RC3H2: variants seen among roughly 807,000 people sequenced by gnomAD.
The protein encoded by RC3H2 is roquin-2.
A neutral mutation model predicts 133.3 loss-of-function variants in RC3H2; 31 were observed. The observed-to-expected ratio is 0.23, with a 90% CI of 0.17 to 0.31. The LOEUF (loss-of-function observed/expected upper bound fraction) is 0.31. RC3H2 is among the 10% of genes least tolerant of loss of function. The probability of loss-of-function intolerance (pLI) is 1.00; values close to 1 mark genes in which losing one functional copy is unlikely to be tolerated. For missense variants in RC3H2, 1,175 were observed against 1,437.2 expected, an observed-to-expected ratio of 0.82 and a Z score of 2.95; for synonymous variants, 517 against 502.2, an observed-to-expected ratio of 1.03 and a Z score of -0.40.
rs983856617 is a variant in RC3H2 at position 122,892,454 on chromosome 9, C to A, written c.349+455G>T. Reference sequence around the variant, plus strand: ...TTGAGACAGTCTTGCTCTGTCGCCCCAGGCTGGAGTGCAGTGGCACCATCT... The same window carrying A: ...TTGAGACAGTCTTGCTCTGTCGCCCAAGGCTGGAGTGCAGTGGCACCATCT... On this transcript the variant is annotated intron_variant, in intron 3 of 20. Transcript: ENST00000357244. Among the ~76,000 whole-genome samples the A allele has an allele frequency of 2.0e-5, 3 of 152,184 alleles. No homozygotes were observed. The East Asian group carries it at 5.8e-4, about 29-fold the overall frequency.
intron 13 of RC3H2, among the ~76,000 whole-genome samples, chr9:122,857,260 C>T (rs1830284131): frequency 6.6e-6 from 1 of 151,906 alleles, no homozygotes; most frequent in Non-Finnish European, 1.5e-5. Context: ...GGGGAATAAA[C>T]CAGAAGAAAC....
intron 9 of RC3H2, chr9:122,875,135 G>C: frequency 6.6e-7 from 1 of 1,505,180 alleles, no homozygotes; most frequent in East Asian, 2.5e-5. Flanking sequence ...GAACTAGTTC[G>C]ATTGGGTACA....
At position 122,845,526 on chromosome 9, in the gene RC3H2, T is replaced by C. The variant is rs768829302; in HGVS notation, c.*4101A>G. On this transcript the variant is annotated 3_prime_UTR_variant, in exon 21 of 21. Coordinates refer to ENST00000357244, the MANE Select transcript of RC3H2 (RefSeq NM_001100588.3). ...TCTGTGTTCCACTGGTTTGGGAATATTTTAAAAATTTTATTAAAAAAAAGA... is the reference window on the plus strand; with the variant it reads ...TCTGTGTTCCACTGGTTTGGGAATACTTTAAAAATTTTATTAAAAAAAAGA... 11 of 152,156 alleles carry C rather than the reference T, an allele frequency of 7.2e-5. No individual in the cohort carries two copies. Among genetic ancestry groups the C allele is most frequent in the Non-Finnish European group, 1.5e-4 (10 of 68,028 alleles). 9.4% of individuals were successfully genotyped at this position (152,156 alleles called of 1,614,324 possible).
intron 1 of RC3H2, among the ~76,000 whole-genome samples, chr9:122,898,834 C>T (rs567027024): frequency 1.0e-3 from 159 of 151,764 alleles, no homozygotes; most frequent in Admixed American, 3.1e-3. Context: ...ACTAAACTTC[C>T]CAGAATTTCT....
Position 122,854,621 on chromosome 9 carries a change from G to C in RC3H2, c.2816-6C>G. 1 of 1,588,962 alleles carries C rather than the reference G, an allele frequency of 6.3e-7. No individual in the cohort carries two copies. The highest frequency in any genetic ancestry group is 2.2e-5 in the East Asian group (1 of 44,756). Reference sequence around the variant, plus strand: ...ATTGACATAAGGGACATAATCTACAGACATGTAGAATGAAACAATGGTCAA... The same window carrying C: ...ATTGACATAAGGGACATAATCTACACACATGTAGAATGAAACAATGGTCAA... On this transcript the variant is annotated splice_polypyrimidine_tract_variant and splice_region_variant and intron_variant, in intron 15 of 20. Transcript: ENST00000357244.
At position 122,849,529 on chromosome 9, in the gene RC3H2, T is replaced by TA. The variant is rs1284582142; in HGVS notation, c.*97dup. 17 of 434,726 alleles carry TA rather than the reference T, an allele frequency of 3.9e-5. No individual in the cohort carries two copies. The highest frequency in any genetic ancestry group is 6.4e-5 in the African/African-American group (3 of 47,044). 26.9% of individuals were successfully genotyped at this position (434,726 alleles called of 1,614,324 possible). On this transcript the variant is annotated 3_prime_UTR_variant, in exon 21 of 21. Coordinates refer to ENST00000357244, the MANE Select transcript of RC3H2 (RefSeq NM_001100588.3). Reference sequence around the variant, plus strand: ...GATGCCCCCAGTAATATCTTTTTTTTAAAAAAAATATACATTATATAATAT... The same window carrying TA: ...GATGCCCCCAGTAATATCTTTTTTTTAAAAAAAAATATACATTATATAATAT...
chr9:122,903,567 GA>G (rs949950387), intron 1 of RC3H2, among the ~76,000 whole-genome samples: 2 of 152,326 alleles, frequency 1.3e-5, no homozygotes, highest in Admixed American at 1.3e-4. Context: ...TACCACAACA[GA>G]AATAACAGAT....
chr9:122,851,402 G>A lies in RC3H2; in HGVS notation c.3152C>T (p.Thr1051Ile), dbSNP rs1316923884. ...TAACTCGATATCCCTATCAGGTTTA[G>A]TATCTGTTGCATCTTCTGTATAATC... Reference protein sequence around the residue: ...QSDYTEDATDTKPDRDIELEL... With the variant: ...QSDYTEDATDIKPDRDIELEL... The change falls in exon 19 of 21, where the codon ACT becomes ATT. Residue 1051 changes from threonine to isoleucine, a missense_variant. Coordinates refer to ENST00000357244, the MANE Select transcript of RC3H2 (RefSeq NM_001100588.3). 1 of 1,614,122 alleles carries A rather than the reference G, an allele frequency of 6.2e-7. No homozygotes were observed. The highest frequency in any genetic ancestry group is 2.2e-5 in the East Asian group (1 of 44,884).
At chr9:122,872,160 T>C (rs1441402742) in intron 9 of RC3H2, among the ~76,000 whole-genome samples, 2 of 152,244 alleles carry the variant, frequency 1.3e-5, no homozygotes, top group Non-Finnish European at 1.5e-5. Flanking sequence ...TCTGCCCTGA[T>C]GCATTTCCCA....
At chr9:122,864,354 T>C (rs572618419) in intron 10 of RC3H2, among the ~76,000 whole-genome samples, 44 of 149,346 alleles carry the variant, frequency 2.9e-4, no homozygotes, top group African/African-American at 9.9e-4. Context: ...AATCTTATGC[T>C]GACACTCAGT....
intron 18 of RC3H2, among the ~76,000 whole-genome samples, chr9:122,852,022 G>A (rs1407615575): frequency 6.6e-6 from 1 of 151,262 alleles, no homozygotes; most frequent in Non-Finnish European, 1.5e-5. Context: ...GACCGTCTCT[G>A]CCCGGCCGCC....
chr9:122,845,816 C>CCATCAAGCCTCTT lies in RC3H2; in HGVS notation c.*3798_*3810dup, dbSNP rs1445620075. The CCATCAAGCCTCTT allele has an allele frequency of 2.6e-5, 4 of 152,090 alleles. No individual in the cohort carries two copies. Among genetic ancestry groups the CCATCAAGCCTCTT allele is most frequent in the Non-Finnish European group, 5.9e-5 (4 of 68,028 alleles). 9.4% of individuals were successfully genotyped at this position (152,090 alleles called of 1,614,324 possible). A position where few individuals can be genotyped will look rare whatever the true frequency, so the allele number is the denominator to read the frequency against. The stretch of plus-strand genomic sequence containing the variant: ...GTAGAAGGAGTTACAGTAAGTGATC[C>CCATCAAGCCTCTT]CATCAAGCCTCTTCATTCACTAAAA... On this transcript the variant is annotated 3_prime_UTR_variant, in exon 21 of 21. Coordinates refer to ENST00000357244, the MANE Select transcript of RC3H2 (RefSeq NM_001100588.3).
intron 9 of RC3H2, among the ~76,000 whole-genome samples, chr9:122,870,413 CAAA>C (rs1192325454): frequency 1.9e-4 from 7 of 37,832 alleles, no homozygotes; most frequent in African/African-American, 5.8e-4. Context: ...AACAAACAAA[CAAA>C]AAAAAAACAA....
intron 10 of RC3H2, among the ~76,000 whole-genome samples, chr9:122,860,400 C>T (rs557395945): frequency 7.0e-4 from 89 of 126,498 alleles, no homozygotes; most frequent in African/African-American, 2.6e-3. Flanking sequence ...CACCATTTAC[C>T]CATTCTTTTT....
Position 122,849,508 on chromosome 9 carries a change from C to G in RC3H2, c.*119G>C. 3.3e-6 allele frequency: 1 copy of G among 300,292 alleles called. No individual in the cohort carries two copies. Among genetic ancestry groups the G allele is most frequent in the Non-Finnish European group, 5.5e-6 (1 of 180,820 alleles). 18.6% of individuals were successfully genotyped at this position (300,292 alleles called of 1,614,324 possible). ...TCAAAGAGTCCACAGGAAATGGATGCCCCCAGTAATATCTTTTTTTTAAAA... is the reference window on the plus strand; with the variant it reads ...TCAAAGAGTCCACAGGAAATGGATGGCCCCAGTAATATCTTTTTTTTAAAA... On this transcript the variant is annotated 3_prime_UTR_variant, in exon 21 of 21. Transcript: ENST00000357244.
chr9:122,858,956 G>T lies in RC3H2; in HGVS notation c.1996C>A (p.Arg666=), dbSNP rs374715315. Residue 666 remains arginine, a synonymous_variant, in exon 12 of 21, where the codon CGA becomes AGA. Coordinates refer to ENST00000357244, the MANE Select transcript of RC3H2 (RefSeq NM_001100588.3). ...GGCTGGTAAGGAGAAGAATTCATTC[G>T]ATCTCGAGGGGAAAATGTACTGTAA... ...DHYSTFSPRD[R]MNSSPYQPPP... 6.2e-7 allele frequency: 1 copy of T among 1,614,170 alleles called. No individual in the cohort carries two copies. The highest frequency in any genetic ancestry group is 8.5e-7 in the Non-Finnish European group (1 of 1,180,030).
At chr9:122,868,689 T>C (rs902752047) in intron 9 of RC3H2, among the ~76,000 whole-genome samples, 1 of 151,722 alleles carries the variant, frequency 6.6e-6, no homozygotes, top group Admixed American at 6.6e-5. Context: ...ACTATTGTCC[T>C]ATGACCCTGC....
Position 122,858,939 on chromosome 9 carries a change from A to C in RC3H2, c.2013T>G (p.Pro671=), listed in dbSNP as rs748755902. ...FSPRDRMNSS[P]YQPPPPQPYG... is the part of the protein sequence containing the mutation. ...ACGGCTGCGGAGGAGGAGGCTGGTA[A>C]GGAGAAGAATTCATTCGATCTCGAG... The change falls in exon 12 of 21, where the codon CCT becomes CCG. Residue 671 remains proline (P), a synonymous_variant. Transcript: ENST00000357244. 6.2e-7 allele frequency: 1 copy of C among 1,614,252 alleles called. No individual in the cohort carries two copies. Among genetic ancestry groups the C allele is most frequent in the South Asian group, 1.1e-5 (1 of 91,086 alleles).
chr9:122,873,606 G>A (rs940822667), intron 9 of RC3H2, among the ~76,000 whole-genome samples: 1 of 151,706 alleles, frequency 6.6e-6, no homozygotes, highest in African/African-American at 2.4e-5. Context: ...CCAGCTACTC[G>A]AGAGGCTGAG....
Sources: allele counts gnomAD v4.1 joint callset (sites outside exome capture counted in the v4.1 genomes callset), GRCh38; gene constraint gnomAD v4.1.1; transcripts MANE v1.5; gene names NCBI Gene and HGNC (gene_info 2026-07-23, HGNC 2026-07-21).